DACH2: variants seen among roughly 807,000 people sequenced by gnomAD.
DACH2 encodes dachshund homolog 2.
In DACH2, 17 loss-of-function variants were observed where a neutral mutation model predicts 35.8. The ratio of observed to expected loss-of-function variants is 0.48; its 90% CI spans 0.33 to 0.71. DACH2 has a LOEUF of 0.71. Ranked by LOEUF, DACH2 falls within the 30% of genes least tolerant of loss-of-function variation. The probability of loss-of-function intolerance (pLI) is 0.02; values close to 1 mark genes in which losing one functional copy is unlikely to be tolerated. For missense variants in DACH2, 469 were observed against 472.7 expected (o/e 0.99, Z 0.07); for synonymous variants, 195 against 177.3 (o/e 1.10, Z -0.79).
intron 3 of DACH2, among the ~76,000 whole-genome samples, chrX:86,576,612 C>A (rs768661026): frequency 4.9e-4 from 54 of 110,755 alleles, no homozygotes; most frequent in Non-Finnish European, 8.3e-4. Context: ...AGACCTAAAC[C>A]AAATACTAGA....
intron 2 of DACH2, among the ~76,000 whole-genome samples, chrX:86,477,752 T>A (rs1178285689): frequency 1.8e-5 from 2 of 111,390 alleles, no homozygotes; most frequent in Non-Finnish European, 3.8e-5. Context: ...TTTCCTTTAT[T>A]TCTGTTTTGC....
intron 4 of DACH2, among the ~76,000 whole-genome samples, chrX:86,684,956 A>G (rs1339548187): frequency 8.9e-6 from 1 of 111,935 alleles, no homozygotes; most frequent in Non-Finnish European, 1.9e-5. Flanking sequence ...TTTAACTAAT[A>G]AATTTTATTA....
chrX:86,336,790 G>A (rs778901443), intron 1 of DACH2, among the ~76,000 whole-genome samples: 1 of 109,936 alleles, frequency 9.1e-6, no homozygotes, highest in Non-Finnish European at 1.9e-5. Context: ...AGCTAAAGGA[G>A]CATGTTCTAA....
At chrX:86,649,826 ATCT>A (rs1210035094) in intron 3 of DACH2, among the ~76,000 whole-genome samples, 2 of 111,213 alleles carry the variant, frequency 1.8e-5, no homozygotes, top group Non-Finnish European at 3.8e-5. Flanking sequence ...TAGAATCAGG[ATCT>A]TCTAATGACA....
At chrX:86,235,147 TTGTC>T (rs2033031424) in intron 1 of DACH2, among the ~76,000 whole-genome samples, 1 of 111,514 alleles carries the variant, frequency 9.0e-6, no homozygotes, top group African/African-American at 3.3e-5. Flanking sequence ...TCAATAGAAT[TTGTC>T]TGATGTTTTT....
At chrX:86,335,136 G>A (rs747355307) in intron 1 of DACH2, among the ~76,000 whole-genome samples, 1 of 111,941 alleles carries the variant, frequency 8.9e-6, no homozygotes, top group South Asian at 3.7e-4. Flanking sequence ...TTTGGTACCA[G>A]TACCATGCTG....
intron 3 of DACH2, among the ~76,000 whole-genome samples, chrX:86,549,211 T>C (rs768308883): frequency 8.9e-6 from 1 of 112,129 alleles, no homozygotes; most frequent in East Asian, 2.8e-4. Context: ...TTCTACATAT[T>C]TTGTTTGATA....
intron 2 of DACH2, among the ~76,000 whole-genome samples, chrX:86,379,953 A>C (rs2036022089): frequency 9.0e-6 from 1 of 111,002 alleles, no homozygotes; most frequent in Non-Finnish European, 1.9e-5. Context: ...AAACTTATTT[A>C]CTAAAACTCT....
chrX:86,497,059 G>C (rs2038183037), intron 2 of DACH2, among the ~76,000 whole-genome samples: 1 of 112,165 alleles, frequency 8.9e-6, no homozygotes, highest in African/African-American at 3.2e-5. Flanking sequence ...TACAAGGGGA[G>C]ATTGTCTTAC....
rs112052745 is a variant in DACH2, at chrX:86,666,971, C to T, written c.772+15804C>T. On this transcript the variant is annotated intron_variant, in intron 4 of 11. Coordinates refer to ENST00000373125, the MANE Select transcript of DACH2 (RefSeq NM_053281.3). Reference sequence around the variant, plus strand: ...GTAAAGCATGTAGCCCTGGGCCGGGCATGGTGGCTCTCCCCTGTAATCCCA... The same window carrying T: ...GTAAAGCATGTAGCCCTGGGCCGGGTATGGTGGCTCTCCCCTGTAATCCCA... 7.9e-4 allele frequency among the ~76,000 whole-genome samples: 85 copies of T among 107,325 alleles called. 1 individual carries two copies. Among genetic ancestry groups the T allele is most frequent in the African/African-American group, 2.8e-3 (81 of 29,388 alleles). The allele number at this position is 107,325 out of a possible 115,157, so 93.2% of individuals were successfully genotyped here. A position where few individuals can be genotyped will look rare whatever the true frequency, so the allele number is the denominator to read the frequency against.
At chrX:86,246,705 C>T (rs773504819) in intron 1 of DACH2, among the ~76,000 whole-genome samples, 16 of 111,970 alleles carry the variant, frequency 1.4e-4, no homozygotes, top group Admixed American at 5.7e-4. Flanking sequence ...CCAGCCACCA[C>T]GAAAACACAC....
At chrX:86,252,408 G>A (rs977623632) in intron 1 of DACH2, among the ~76,000 whole-genome samples, 2 of 110,979 alleles carry the variant, frequency 1.8e-5, no homozygotes, top group African/African-American at 6.5e-5. Flanking sequence ...TGACCATGAA[G>A]TCTTTGCCTG....
At chrX:86,224,117 G>A (rs1383578803) in intron 1 of DACH2, among the ~76,000 whole-genome samples, 4 of 111,032 alleles carry the variant, frequency 3.6e-5, no homozygotes, top group African/African-American at 1.3e-4. Context: ...AAGGAAGGCT[G>A]TCATTAAAAA....
rs752207068 is a variant in DACH2 at position 86,153,412 on chromosome X, G to A, written c.488+4304G>A. On this transcript the variant is annotated intron_variant, in intron 1 of 11. Coordinates refer to ENST00000373125, the MANE Select transcript of DACH2 (RefSeq NM_053281.3). ...TACTAGAAATATGGTTATTATGAGCGCTCAATGAGTTTGGCTTTGTAGTCA... is the reference window on the plus strand; with the variant it reads ...TACTAGAAATATGGTTATTATGAGCACTCAATGAGTTTGGCTTTGTAGTCA... Among the ~76,000 whole-genome samples, 7 of 110,844 alleles carry A rather than the reference G, an allele frequency of 6.3e-5. No individual in the cohort carries two copies. In the South Asian group the frequency reaches 1.5e-3, roughly 24 times the overall value.
At chrX:86,269,022 G>T (rs893682627) in intron 1 of DACH2, among the ~76,000 whole-genome samples, 1 of 110,273 alleles carries the variant, frequency 9.1e-6, no homozygotes, top group African/African-American at 3.3e-5. Flanking sequence ...GTACAATTAA[G>T]TTACTATTGA....
Position 86,437,620 on chromosome X carries a change from A to G in DACH2, c.527+60758A>G, listed in dbSNP as rs185801208. Among the ~76,000 whole-genome samples, 28 of 111,679 alleles carry G rather than the reference A, an allele frequency of 2.5e-4. No individual in the cohort carries two copies. In the East Asian group the frequency reaches 2.8e-3, roughly 11 times the overall value. ...CTGTTGCTACTAATGGCATGATTTCATTTTTAATGCTGATAATATTCCATT... is the reference window on the plus strand; with the variant it reads ...CTGTTGCTACTAATGGCATGATTTCGTTTTTAATGCTGATAATATTCCATT... On this transcript the variant is annotated intron_variant, in intron 2 of 11. Coordinates refer to ENST00000373125, the MANE Select transcript of DACH2 (RefSeq NM_053281.3).
chrX:86,296,343 T>A (rs1232226290), intron 1 of DACH2, among the ~76,000 whole-genome samples: 1 of 91,322 alleles, frequency 1.1e-5, no homozygotes, highest in Non-Finnish European at 2.1e-5. Context: ...ATTGCGCCAC[T>A]GCACTCCTGC....
chrX:86,594,923 T>G (rs1361325491), intron 3 of DACH2, among the ~76,000 whole-genome samples: 1 of 111,583 alleles, frequency 9.0e-6, no homozygotes, highest in Non-Finnish European at 1.9e-5. Context: ...CCTTGAAATT[T>G]TATCAGTTTT....
intron 4 of DACH2, among the ~76,000 whole-genome samples, chrX:86,665,983 A>T (rs1419076595): frequency 9.0e-6 from 1 of 111,352 alleles, no homozygotes; most frequent in Non-Finnish European, 1.9e-5. Context: ...TTTGGGAGGA[A>T]CATTAATTTA....
Sources: gnomAD v4.1 joint callset for allele counts (sites outside exome capture counted in the v4.1 genomes callset) on GRCh38, gnomAD v4.1.1 for gene constraint, MANE v1.5 for transcripts, NCBI Gene and HGNC (gene_info 2026-07-23, HGNC 2026-07-21) for gene names.